PARD3B: variants seen among roughly 807,000 people sequenced by gnomAD.
PARD3B encodes the protein partitioning defective 3 homolog B.
Under a neutral mutation model 130.2 loss-of-function variants are expected in PARD3B, and 103 were observed. That is an observed-to-expected ratio of 0.79 (90% CI 0.67 to 0.93). PARD3B has a LOEUF of 0.93. Among genes scored for constraint, PARD3B ranks in the 40% least tolerant of loss-of-function variants. PARD3B has a pLI of 0.00. For synonymous variants in PARD3B, 583 were observed against 553.2 expected, an observed-to-expected ratio of 1.05 and a Z score of -0.76; for missense variants, 1,609 against 1,499.2, an observed-to-expected ratio of 1.07 and a Z score of -1.21.
chr2:204,930,185 G>A (rs1265679758), intron 2 of PARD3B, among the ~76,000 whole-genome samples: 1 of 150,986 alleles, frequency 6.6e-6, no homozygotes, highest in African/African-American at 2.4e-5. Flanking sequence ...AAAACCCTGT[G>A]TTCATTTACA....
chr2:205,489,864 A>C (rs2049623776), intron 20 of PARD3B, among the ~76,000 whole-genome samples: 1 of 152,146 alleles, frequency 6.6e-6, no homozygotes, highest in Non-Finnish European at 1.5e-5. Flanking sequence ...CAGAAGCAGA[A>C]TGTTCTGATT....
At chr2:205,376,459 G>A (rs2045058056) in intron 18 of PARD3B, among the ~76,000 whole-genome samples, 1 of 145,004 alleles carries the variant, frequency 6.9e-6, no homozygotes, top group Admixed American at 6.8e-5. Flanking sequence ...GATGTCTGAG[G>A]ATGGGAGAAG....
chr2:204,715,301 C>T (rs1384281312), intron 2 of PARD3B, among the ~76,000 whole-genome samples: 1 of 152,104 alleles, frequency 6.6e-6, no homozygotes, highest in Non-Finnish European at 1.5e-5. Flanking sequence ...CCCTGTGATT[C>T]TGACAAATTT....
intron 19 of PARD3B, among the ~76,000 whole-genome samples, chr2:205,406,136 G>A (rs560078809): frequency 1.6e-3 from 240 of 152,302 alleles, no homozygotes; most frequent in Non-Finnish European, 2.9e-3. Flanking sequence ...TCAAGACTTT[G>A]TGGATTTCTC....
intron 2 of PARD3B, among the ~76,000 whole-genome samples, chr2:204,752,905 A>C (rs1347864780): frequency 2.6e-5 from 4 of 152,172 alleles, no homozygotes; most frequent in African/African-American, 9.7e-5. Context: ...ACAGTGTACT[A>C]TACAGGTTAA....
intron 22 of PARD3B, among the ~76,000 whole-genome samples, chr2:205,555,273 C>A (rs543015660): frequency 6.6e-6 from 1 of 152,260 alleles, no homozygotes; most frequent in East Asian, 1.9e-4. Flanking sequence ...TTCATTCATT[C>A]ATTCACCTTG....
chr2:204,629,423 C>T (rs988577560), intron 1 of PARD3B, among the ~76,000 whole-genome samples: 1 of 152,162 alleles, frequency 6.6e-6, no homozygotes, highest in Non-Finnish European at 1.5e-5. Context: ...GGATGCATCT[C>T]ATGAATTCAG....
chr2:204,632,217 C>T (rs77221997), intron 1 of PARD3B, among the ~76,000 whole-genome samples: 3,198 of 152,220 alleles, frequency 0.021, 120 homozygotes, highest in East Asian at 0.14. Flanking sequence ...CCATGTCAGA[C>T]GCCTTGCTCC....
intron 2 of PARD3B, among the ~76,000 whole-genome samples, chr2:204,935,635 A>G (rs1029542318): frequency 1.3e-5 from 2 of 151,942 alleles, no homozygotes; most frequent in Admixed American, 1.3e-4. Flanking sequence ...ACCAAATTTT[A>G]TCCTTCTGTT....
chr2:204,564,473 T>G (rs73057257), intron 1 of PARD3B, among the ~76,000 whole-genome samples: 16,375 of 152,216 alleles, frequency 0.11, 990 homozygotes, highest in South Asian at 0.22. Context: ...CATATTTTCT[T>G]AGAAGACCTG....
intron 18 of PARD3B, among the ~76,000 whole-genome samples, chr2:205,322,503 A>AG (rs1335100302): frequency 6.6e-6 from 1 of 152,226 alleles, no homozygotes; most frequent in Non-Finnish European, 1.5e-5. Flanking sequence ...CTTACAAAAA[A>AG]CAAAGCAGTA....
At chr2:205,406,204 C>T (rs978800538) in intron 19 of PARD3B, among the ~76,000 whole-genome samples, 5 of 152,118 alleles carry the variant, frequency 3.3e-5, no homozygotes, top group African/African-American at 4.8e-5. Context: ...CATTTTATTC[C>T]GTTCTACTTT....
At chr2:204,587,033 TA>T (rs1284262711) in intron 1 of PARD3B, among the ~76,000 whole-genome samples, 5 of 152,152 alleles carry the variant, frequency 3.3e-5, no homozygotes, top group Non-Finnish European at 7.4e-5. Context: ...TCAGACTGTA[TA>T]AATGCAATGT....
chr2:205,170,147 C>T (rs1189658991), intron 11 of PARD3B, among the ~76,000 whole-genome samples: 2 of 152,136 alleles, frequency 1.3e-5, no homozygotes, highest in African/African-American at 4.8e-5. Flanking sequence ...TCAGACTGGT[C>T]TCGAACTCCT....
rs111869634 is a variant in PARD3B, at chr2:205,450,619, G to A, written c.3044+9947G>A. ...CTCCTGAGTAGCTGGGATTACAGGC[G>A]CCTGCCACCACATCCGGCTAATTTT... On this transcript the variant is annotated intron_variant, in intron 20 of 22. Coordinates refer to ENST00000406610, the MANE Select transcript of PARD3B (RefSeq NM_001302769.2). Among the ~76,000 whole-genome samples, 1,134 of 151,648 alleles carry A rather than the reference G, an allele frequency of 7.5e-3. 16 individuals are homozygous for A. The highest frequency in any genetic ancestry group is 0.026 in the African/African-American group (1,079 of 41,336).
At chr2:205,256,373 A>G (rs1030120918) in intron 16 of PARD3B, among the ~76,000 whole-genome samples, 3 of 152,172 alleles carry the variant, frequency 2.0e-5, no homozygotes, top group Non-Finnish European at 2.9e-5. Context: ...CTCTTTGCCA[A>G]CTGCTACAAA....
At chr2:205,308,624 A>AAACAAG (rs2042271021) in intron 18 of PARD3B, among the ~76,000 whole-genome samples, 2 of 150,988 alleles carry the variant, frequency 1.3e-5, no homozygotes, top group Non-Finnish European at 3.0e-5. Context: ...AAAAAACCAA[A>AAACAAG]CAACAAAACA....
At chr2:204,739,148 T>C (rs1231499343) in intron 2 of PARD3B, among the ~76,000 whole-genome samples, 1 of 152,228 alleles carries the variant, frequency 6.6e-6, no homozygotes, top group Non-Finnish European at 1.5e-5. Flanking sequence ...TATTGAATTG[T>C]ATGTGTTACT....
intron 21 of PARD3B, among the ~76,000 whole-genome samples, chr2:205,552,009 A>G (rs1195243568): frequency 2.0e-5 from 3 of 152,228 alleles, no homozygotes; most frequent in Non-Finnish European, 4.4e-5. Context: ...GGAATCAATC[A>G]GTAATCAAGT....
Sources: gnomAD v4.1 joint callset for allele counts (sites outside exome capture counted in the v4.1 genomes callset) on GRCh38, gnomAD v4.1.1 for gene constraint, MANE v1.5 for transcripts, NCBI Gene and HGNC (gene_info 2026-07-23, HGNC 2026-07-21) for gene names.